Variants in BORCS5 observed in about 807,000 individuals in gnomAD.
BORCS5 encodes BLOC-1-related complex subunit 5.
In BORCS5, 17 loss-of-function variants were observed where a neutral mutation model predicts 22.1. The observed-to-expected ratio is 0.77, with a 90% CI of 0.53 to 1.15. The LOEUF (loss-of-function observed/expected upper bound fraction) is 1.15. Ranked by LOEUF, BORCS5 falls within the 50% of genes most tolerant of loss-of-function variation. BORCS5 has a pLI of 0.00. For synonymous variants in BORCS5, 117 were observed against 99.8 expected (o/e 1.17, Z -1.03); for missense variants, 247 against 253.2 (o/e 0.98, Z 0.17).
At chr12:12,375,594 G>T (rs929182491) in intron 2 of BORCS5, among the ~76,000 whole-genome samples, 4 of 152,292 alleles carry the variant, frequency 2.6e-5, no homozygotes, top group Middle Eastern at 3.4e-3. Context: ...ACTCCAGCAT[G>T]GGCAACAGAG....
intron 2 of BORCS5, among the ~76,000 whole-genome samples, chr12:12,403,547 CT>C (rs961280731): frequency 2.4e-4 from 36 of 152,182 alleles, no homozygotes; most frequent in Middle Eastern, 3.4e-3. Context: ...TAATTACATA[CT>C]TTTTTTTCCC....
In BORCS5 at chr12:12,465,690, C is replaced by T; in HGVS notation, c.505C>T (p.Leu169=). ...IQMGIDQTVP[L]LDRLNSMLPE... Reference sequence around the variant, plus strand: ...GATGGGCATCGACCAGACTGTGCCCCTGCTGGACAGGCTCAACAGCATGCT... The same window carrying T: ...GATGGGCATCGACCAGACTGTGCCCTTGCTGGACAGGCTCAACAGCATGCT... Residue 169 remains leucine, a synonymous_variant, in exon 4 of 4, where the codon CTG becomes TTG. Coordinates refer to ENST00000314565, the MANE Select transcript of BORCS5 (RefSeq NM_058169.6). 1 of 1,614,266 alleles carries T rather than the reference C, an allele frequency of 6.2e-7. No homozygotes were observed. The highest frequency in any genetic ancestry group is 8.5e-7 in the Non-Finnish European group (1 of 1,180,048).
chr12:12,447,346 G>A (rs975218376), intron 3 of BORCS5, among the ~76,000 whole-genome samples: 16 of 152,098 alleles, frequency 1.1e-4, no homozygotes, highest in African/African-American at 2.9e-4. Context: ...CAGAGGTCCC[G>A]GTTTCCCTTG....
chr12:12,361,225 G>A lies in BORCS5; in HGVS notation c.78G>A (p.Lys26=). The change falls in exon 2 of 4, where the codon AAG becomes AAA. Residue 26 remains lysine (K), a synonymous_variant. Transcript: ENST00000314565. ...TTTCAGTGACTCCTTCACCAGCCAA[G>A]CATAGAGCCAAGATGGATGATATTG... ...LNSSVTPSPA[K]HRAKMDDIVV... is the part of the protein sequence containing the mutation. 2 of 1,614,128 alleles carry A rather than the reference G, an allele frequency of 1.2e-6. No individual in the cohort carries two copies. Among genetic ancestry groups the A allele is most frequent in the Non-Finnish European group, 1.7e-6 (2 of 1,180,006 alleles).
intron 2 of BORCS5, among the ~76,000 whole-genome samples, chr12:12,379,768 C>G (rs1863736780): frequency 2.0e-5 from 3 of 151,358 alleles, no homozygotes; most frequent in Admixed American, 2.0e-4. Context: ...TATGTCAGCA[C>G]TAGGGCTGTT....
intron 2 of BORCS5, among the ~76,000 whole-genome samples, chr12:12,409,760 G>A (rs1183387065): frequency 6.6e-6 from 1 of 151,790 alleles, no homozygotes; most frequent in Non-Finnish European, 1.5e-5. Context: ...TGGGATGGCT[G>A]GGTCAAATGG....
intron 2 of BORCS5, among the ~76,000 whole-genome samples, chr12:12,363,542 T>C (rs1200081672): frequency 6.6e-6 from 1 of 152,166 alleles, no homozygotes; most frequent in Non-Finnish European, 1.5e-5. Flanking sequence ...GAGACCATCC[T>C]GGCTAACACG....
chr12:12,379,338 C>T (rs1478987712), intron 2 of BORCS5, among the ~76,000 whole-genome samples: 1 of 151,278 alleles, frequency 6.6e-6, no homozygotes, highest in Non-Finnish European at 1.5e-5. Context: ...TGGTCTTGAA[C>T]TCCTGGCCTC....
intron 3 of BORCS5, among the ~76,000 whole-genome samples, chr12:12,441,705 C>T (rs111652169): frequency 0.033 from 4,284 of 131,538 alleles, 81 homozygotes; most frequent in Middle Eastern, 0.084. Context: ...TAAATAGAGG[C>T]AAGGCAAAAA....
chr12:12,369,506 C>A (rs11831759), intron 2 of BORCS5, among the ~76,000 whole-genome samples: 28,800 of 147,782 alleles, frequency 0.19, 7,012 homozygotes, highest in African/African-American at 0.59. Flanking sequence ...CCTTGCATTA[C>A]AAAAATTTTT....
chr12:12,382,306 A>C (rs1405109984), intron 2 of BORCS5, among the ~76,000 whole-genome samples: 1 of 150,674 alleles, frequency 6.6e-6, no homozygotes, highest in African/African-American at 2.4e-5. Flanking sequence ...GAGGTGCCAC[A>C]CTCCTTTAAA....
intron 2 of BORCS5, among the ~76,000 whole-genome samples, chr12:12,403,891 A>T (rs569416221): frequency 6.6e-6 from 1 of 152,196 alleles, no homozygotes; most frequent in African/African-American, 2.4e-5. Flanking sequence ...TATATTGTGT[A>T]TTTTTTCCTA....
At chr12:12,424,141 C>A (rs897994045) in intron 2 of BORCS5, among the ~76,000 whole-genome samples, 1 of 152,142 alleles carries the variant, frequency 6.6e-6, no homozygotes, top group African/African-American at 2.4e-5. Context: ...CTCCCTTTCT[C>A]TTTCTGTTTT....
At chr12:12,412,418 A>T in intron 2 of BORCS5, among the ~76,000 whole-genome samples, 1 of 151,648 alleles carries the variant, frequency 6.6e-6, no homozygotes, top group African/African-American at 2.4e-5. Context: ...TCCTTTTTGG[A>T]TTGTTCATTA....
At chr12:12,438,372 A>AAAAAAAAC (rs1942604573) in intron 3 of BORCS5, among the ~76,000 whole-genome samples, 1 of 129,788 alleles carries the variant, frequency 7.7e-6, no homozygotes, top group Admixed American at 7.4e-5. Context: ...AAAAAAAAAA[A>AAAAAAAAC]AAAAAAAACG....
intron 2 of BORCS5, among the ~76,000 whole-genome samples, chr12:12,418,520 T>C (rs1256571113): frequency 6.6e-6 from 1 of 152,164 alleles, no homozygotes; most frequent in South Asian, 2.1e-4. Context: ...CCCCCATCTC[T>C]ACAAAAAAAT....
intron 2 of BORCS5, among the ~76,000 whole-genome samples, chr12:12,415,840 A>T (rs1250657402): frequency 6.6e-6 from 1 of 152,248 alleles, no homozygotes; most frequent in South Asian, 2.1e-4. Context: ...TGCTGCCCTC[A>T]TAGATGAGTT....
chr12:12,389,463 T>A (rs1863954204), intron 2 of BORCS5, among the ~76,000 whole-genome samples: 3 of 145,820 alleles, frequency 2.1e-5, no homozygotes, highest in Admixed American at 1.3e-4. Context: ...TAATGCACAT[T>A]TACAATTCTA....
intron 3 of BORCS5, among the ~76,000 whole-genome samples, chr12:12,458,265 T>C (rs1943034586): frequency 6.6e-6 from 1 of 152,172 alleles, no homozygotes; most frequent in Non-Finnish European, 1.5e-5. Context: ...AGATCCCACT[T>C]CCAGGTGATC....
Sources: gnomAD v4.1 joint callset for allele counts (sites outside exome capture counted in the v4.1 genomes callset) on GRCh38, gnomAD v4.1.1 for gene constraint, MANE v1.5 for transcripts, NCBI Gene and HGNC (gene_info 2026-07-23, HGNC 2026-07-21) for gene names.